QTMAN: variants seen among roughly 807,000 people sequenced by gnomAD.
QTMAN encodes the protein tRNA-queuosine alpha-mannosyltransferase.
the QTMAN span, chr2:143,946,334 T>G: frequency 1.3e-5 from 2 of 152,222 alleles, no homozygotes; most frequent in Non-Finnish European, 2.9e-5. Context: ...ATCTTGCAAC[T>G]TTAAGATTAA....
chr2:143,944,968 G>C, the QTMAN span: 1 of 148,574 alleles, frequency 6.7e-6, no homozygotes, highest in East Asian at 2.0e-4. Flanking sequence ...GGTACTAGTT[G>C]TGTGTGGAGT....
At chr2:143,976,591 C>T in the QTMAN span, among the ~76,000 whole-genome samples, 1 of 152,210 alleles carries the variant, frequency 6.6e-6, no homozygotes, top group African/African-American at 2.4e-5. Flanking sequence ...GCCTGACACA[C>T]AAGGGATCAG....
chr2:144,006,224 A>G, the QTMAN span: 2 of 152,158 alleles, frequency 1.3e-5, no homozygotes, highest in African/African-American at 4.8e-5. Context: ...ACGTTCATAC[A>G]TTTAGAATTA....
At chr2:144,179,051 G>A in the QTMAN span, 1 of 435,114 alleles carries the variant, frequency 2.3e-6, no homozygotes, top group East Asian at 7.3e-5. Context: ...TTGAGTATGT[G>A]AGTTAAAAAA....
At chr2:143,975,908 G>A in the QTMAN span, among the ~76,000 whole-genome samples, 1 of 152,080 alleles carries the variant, frequency 6.6e-6, no homozygotes, top group East Asian at 1.9e-4. Flanking sequence ...AGCATAATGT[G>A]GCCTATCCTA....
the QTMAN span, among the ~76,000 whole-genome samples, chr2:144,207,369 G>C: frequency 2.6e-5 from 4 of 152,040 alleles, no homozygotes; most frequent in Non-Finnish European, 4.4e-5. Context: ...GTTCCTACTA[G>C]GAACAGCAAG....
chr2:144,050,917 TA>T, the QTMAN span, among the ~76,000 whole-genome samples: 2 of 152,170 alleles, frequency 1.3e-5, no homozygotes, highest in Non-Finnish European at 2.9e-5. Context: ...TTTTGATCTG[TA>T]GTTGGTTGAA....
the QTMAN span, among the ~76,000 whole-genome samples, chr2:144,016,520 T>G: frequency 6.6e-6 from 1 of 152,204 alleles, no homozygotes; most frequent in African/African-American, 2.4e-5. Flanking sequence ...GAATTTACCT[T>G]GTTCACAAGT....
chr2:144,088,523 G>A, the QTMAN span, among the ~76,000 whole-genome samples: 89,692 of 151,874 alleles, frequency 0.59, 27,539 homozygotes, highest in East Asian at 0.82. Flanking sequence ...AACATTCCTA[G>A]GCAAAAACAA....
At chr2:144,043,206 C>T in the QTMAN span, among the ~76,000 whole-genome samples, 1 of 148,542 alleles carries the variant, frequency 6.7e-6, no homozygotes, top group Non-Finnish European at 1.5e-5. Flanking sequence ...TTACAGCAGA[C>T]GAATATGTAT....
the QTMAN span, among the ~76,000 whole-genome samples, chr2:144,167,641 C>T: frequency 6.6e-6 from 1 of 151,960 alleles, no homozygotes; most frequent in African/African-American, 2.4e-5. Flanking sequence ...TTCCTGCCGC[C>T]CTGTGAAGAA....
the QTMAN span, among the ~76,000 whole-genome samples, chr2:144,328,331 C>T: frequency 6.6e-6 from 1 of 152,188 alleles, no homozygotes; most frequent in African/African-American, 2.4e-5. Context: ...AGGGGAAAAG[C>T]ACTAGATATT....
At chr2:144,018,809 C>T in the QTMAN span, among the ~76,000 whole-genome samples, 1 of 152,142 alleles carries the variant, frequency 6.6e-6, no homozygotes, top group Admixed American at 6.5e-5. Context: ...GTGGTAGGTG[C>T]TTCAATCAGG....
chr2:144,069,506 C>G, the QTMAN span, among the ~76,000 whole-genome samples: 3 of 151,920 alleles, frequency 2.0e-5, no homozygotes, highest in African/African-American at 7.2e-5. Flanking sequence ...AATCTCAAAG[C>G]TTTGTTCTTG....
At chr2:144,158,839 T>A in the QTMAN span, among the ~76,000 whole-genome samples, 186 of 152,172 alleles carry the variant, frequency 1.2e-3, 2 homozygotes, top group African/African-American at 4.4e-3. Context: ...ATTTCAGCCT[T>A]AATATCAGTT....
chr2:144,326,850 A>G, the QTMAN span, among the ~76,000 whole-genome samples: 1 of 152,164 alleles, frequency 6.6e-6, no homozygotes, highest in Non-Finnish European at 1.5e-5. Context: ...ACAGATAATG[A>G]CCTTGCTTGA....
the QTMAN span, among the ~76,000 whole-genome samples, chr2:144,077,323 C>T: frequency 6.6e-6 from 1 of 152,196 alleles, no homozygotes; most frequent in Non-Finnish European, 1.5e-5. Context: ...CAATTAAACT[C>T]CAAAAGTTAG....
the QTMAN span, among the ~76,000 whole-genome samples, chr2:144,268,099 T>C: frequency 6.6e-6 from 1 of 152,204 alleles, no homozygotes; most frequent in Non-Finnish European, 1.5e-5. Flanking sequence ...AGATCCCTCA[T>C]GAATGGCTTG....
chr2:144,253,563 G>T, the QTMAN span, among the ~76,000 whole-genome samples: 1 of 152,138 alleles, frequency 6.6e-6, no homozygotes, highest in East Asian at 1.9e-4. Context: ...TGAGGAACTT[G>T]TTGGGAAATA....
Sources: allele counts gnomAD v4.1 joint callset (sites outside exome capture counted in the v4.1 genomes callset), GRCh38; gene constraint gnomAD v4.1.1; transcripts MANE v1.5; gene names NCBI Gene and HGNC (gene_info 2026-07-23, HGNC 2026-07-21).